The following NSD1 variants were observed in gnomAD, a reference collection of about 807,000 sequenced individuals.
NSD1 encodes the protein nuclear receptor binding SET domain protein 1.
Under a neutral mutation model 242.7 loss-of-function variants are expected in NSD1, and 26 were observed. The observed-to-expected ratio is 0.11, with a 90% confidence interval of 0.08 to 0.15. NSD1 has a LOEUF of 0.15. Among genes scored for constraint, NSD1 ranks in the 10% least tolerant of loss-of-function variants. NSD1 has a pLI of 1.00. For synonymous variants in NSD1, 1,106 were observed against 1,178.1 expected, an observed-to-expected ratio of 0.94 and a Z score of 1.25; for missense variants, 2,495 against 3,272.8, an observed-to-expected ratio of 0.76 and a Z score of 5.80.
At chr5:177,267,522 A>C in intron 14 of NSD1, 40 bp from the exon 15 acceptor site, 1 of 1,593,918 alleles carries the variant, frequency 6.3e-7, no homozygotes, top group East Asian at 2.2e-5. Flanking sequence ...CATGACTTGC[A>C]GTCTTGTGAT....
rs1230461629 is a variant in NSD1, at chr5:177,221,150, G to A, written c.3796+8955G>A. On this transcript the variant is annotated intron_variant, in intron 5 of 22. Transcript: ENST00000439151. ...GGCCTCCCACAGTGCAGGGATTACA[G>A]GTGTGAGCCACTGTGGCCTGTATTT... 9 of 360,158 alleles carry A rather than the reference G, an allele frequency of 2.5e-5. No individual in the cohort carries two copies. In the East Asian group the frequency reaches 8.1e-4, roughly 32 times the overall value. The allele number at this position is 360,158 out of a possible 1,614,324, so 22.3% of individuals were successfully genotyped here.
intron 2 of NSD1, among the ~76,000 whole-genome samples, chr5:177,177,905 T>C (rs1760337978): frequency 1.3e-5 from 2 of 152,170 alleles, no homozygotes; most frequent in South Asian, 2.1e-4. Flanking sequence ...ATTATTATTA[T>C]TATTTTTGAG....
chr5:177,204,126 A>T lies in NSD1; in HGVS notation c.1070A>T (p.Asn357Ile), dbSNP rs573536540. The change falls in exon 4 of 23, where the codon AAC (asparagine) becomes ATC (isoleucine). Residue 357 changes from asparagine to isoleucine, a missense_variant. Physicochemically the swap from Asn to Ile is moderately radical, Grantham distance 149 (BLOSUM62 -3). Around this residue, in one of 19 missense-constraint regions of NSD1, gnomAD observed 65 missense variants for 136.2 expected, o/e 0.48. Coordinates refer to ENST00000439151, the MANE Select transcript of NSD1 (RefSeq NM_022455.5). ...INTHSKMKVS[N>I]RRPYRQYYVE... ...TTCTCTTACCCTTACCTAGTTTCCAACCGGAGGCCCTATCGGCAGTACTAC... is the reference window on the plus strand; with the variant it reads ...TTCTCTTACCCTTACCTAGTTTCCATCCGGAGGCCCTATCGGCAGTACTAC... 6.2e-7 allele frequency: 1 copy of T among 1,613,878 alleles called. No homozygotes were observed. Among genetic ancestry groups the T allele is most frequent in the South Asian group, 1.1e-5 (1 of 91,072 alleles).
chr5:177,185,795 A>T (rs866709405), intron 2 of NSD1, among the ~76,000 whole-genome samples: 1 of 88,354 alleles, frequency 1.1e-5, no homozygotes, highest in Non-Finnish European at 2.0e-5. Flanking sequence ...TATATTATAT[A>T]TATATATATA....
chr5:177,232,625 A>T (rs1765148063), intron 5 of NSD1, among the ~76,000 whole-genome samples: 1 of 152,250 alleles, frequency 6.6e-6, no homozygotes. Context: ...ATAAAATGGC[A>T]CACGTGCAGG....
intron 2 of NSD1, among the ~76,000 whole-genome samples, chr5:177,172,501 T>C (rs1759799062): frequency 6.6e-6 from 1 of 152,136 alleles, no homozygotes; most frequent in Admixed American, 6.6e-5. Context: ...GTAACATGAA[T>C]GGTTTTTATC....
chr5:177,171,536 A>G (rs1477018533), intron 2 of NSD1, among the ~76,000 whole-genome samples: 1 of 152,156 alleles, frequency 6.6e-6, no homozygotes, highest in African/African-American at 2.4e-5. Context: ...ATAATACTTC[A>G]TTGTATGGAT....
intron 20 of NSD1, among the ~76,000 whole-genome samples, chr5:177,287,836 C>T (rs1345287858): frequency 6.6e-6 from 1 of 152,130 alleles, no homozygotes; most frequent in African/African-American, 2.4e-5. Context: ...ATGACCCTAA[C>T]GTAGCTGCTG....
chr5:177,198,326 A>G (rs1408358208), intron 3 of NSD1, among the ~76,000 whole-genome samples: 1 of 152,032 alleles, frequency 6.6e-6, no homozygotes, highest in East Asian at 1.9e-4. Flanking sequence ...GTGCCTGGCC[A>G]ATTTATTTTT....
intron 13 of NSD1, among the ~76,000 whole-genome samples, chr5:177,259,299 G>A (rs922406885): frequency 1.3e-5 from 2 of 152,160 alleles, no homozygotes; most frequent in African/African-American, 4.8e-5. Context: ...GGTCTCATAA[G>A]TAATTTCACT....
At chr5:177,266,521 T>C in intron 14 of NSD1, 1 of 639,206 alleles carries the variant, frequency 1.6e-6, no homozygotes, top group Non-Finnish European at 2.8e-6. Context: ...GACGTTCGGC[T>C]TCTCGCTGCT....
chr5:177,167,970 A>G (rs1336558283), intron 2 of NSD1, among the ~76,000 whole-genome samples: 1 of 152,164 alleles, frequency 6.6e-6, no homozygotes, highest in Admixed American at 6.6e-5. Flanking sequence ...GGCCTCATGC[A>G]TAGAGTTCCA....
Position 177,222,351 on chromosome 5 carries a change from T to C in NSD1, c.3796+10156T>C, listed in dbSNP as rs116074668. Among the ~76,000 whole-genome samples, 1,349 of 152,268 alleles carry C rather than the reference T, an allele frequency of 8.9e-3. 21 individuals carry two copies. The highest frequency in any genetic ancestry group is 0.028 in the African/African-American group (1,151 of 41,546). The stretch of plus-strand genomic sequence containing the variant: ...ACCATGTTGACCAGTTTTTATTTCT[T>C]TTGGTTATATCCCTAGGAGTAGAAT... On this transcript the variant is annotated intron_variant, in intron 5 of 22. Transcript: ENST00000439151.
chr5:177,278,163 A>C (rs1175814570), intron 17 of NSD1, among the ~76,000 whole-genome samples: 1 of 152,078 alleles, frequency 6.6e-6, no homozygotes, highest in African/African-American at 2.4e-5. Context: ...ACCTACATCC[A>C]TTTTCCCCAC....
intron 18 of NSD1, among the ~76,000 whole-genome samples, chr5:177,281,584 A>G (rs1758887356): frequency 6.6e-6 from 1 of 152,188 alleles, no homozygotes; most frequent in African/African-American, 2.4e-5. Flanking sequence ...CCCAGTGTGA[A>G]AGTATAAAGG....
intron 4 of NSD1, among the ~76,000 whole-genome samples, chr5:177,207,622 T>TTTTTTTTTG (rs1562201667): frequency 6.9e-6 from 1 of 144,924 alleles, no homozygotes; most frequent in African/African-American, 2.5e-5. Context: ...TTTTTTTTTT[T>TTTTTTTTTG]AGAGAAGGGG....
chr5:177,195,119 A>G (rs1191511121), intron 3 of NSD1, among the ~76,000 whole-genome samples: 3 of 152,054 alleles, frequency 2.0e-5, no homozygotes, highest in Non-Finnish European at 2.9e-5. Context: ...AGATCACACT[A>G]CTGCACTACA....
chr5:177,156,174 A>AGTTTTTT (rs1758117873), intron 2 of NSD1, among the ~76,000 whole-genome samples: 1 of 78,008 alleles, frequency 1.3e-5, no homozygotes, highest in Admixed American at 1.9e-4. Context: ...CTCTTTTCAG[A>AGTTTTTT]TTTTTTTTTT....
chr5:177,231,484 G>C (rs1024957550), intron 5 of NSD1, among the ~76,000 whole-genome samples: 1 of 152,170 alleles, frequency 6.6e-6, no homozygotes, highest in Non-Finnish European at 1.5e-5. Context: ...CTAAAGTTCA[G>C]TGGCACGATC....
Sources: allele counts gnomAD v4.1 joint callset (sites outside exome capture counted in the v4.1 genomes callset), GRCh38; gene constraint gnomAD v4.1.1; regional missense constraint gnomAD v4.1.1; transcripts MANE v1.5; gene names NCBI Gene and HGNC (gene_info 2026-07-23, HGNC 2026-07-21).